The following ACSM2B variants were observed in gnomAD, a reference collection of about 807,000 sequenced individuals.
ACSM2B encodes the protein acyl-coenzyme A synthetase ACSM2B, mitochondrial.
ACSM2B carries 58 observed loss-of-function variants against 78.6 expected under a neutral mutation model. The observed-to-expected ratio is 0.74, with a 90% CI of 0.60 to 0.92. The LOEUF is 0.92. Ranked by LOEUF, ACSM2B falls within the 40% of genes least tolerant of loss-of-function variation. The pLI is 0.00. For synonymous variants in ACSM2B, 257 were observed against 256.8 expected (o/e 1.00, Z -0.01); for missense variants, 688 against 711.2 (o/e 0.97, Z 0.37).
rs1291959782 is a variant in ACSM2B at position 20,555,273 on chromosome 16, G to C, written c.592C>G (p.Leu198Val). The change falls in exon 4 of 14, where the codon CTA becomes GTA. Residue 198 changes from leucine to valine, a missense_variant. Transcript: ENST00000329697. ...CDGWLNFKKL[L>V]NEASTTHHCV... Reference sequence around the variant, plus strand: ...ATGAGACATGTAGATACTCACTTTAGTAGTTTCTTGAAGTTCAGCCACCCA... The same window carrying C: ...ATGAGACATGTAGATACTCACTTTACTAGTTTCTTGAAGTTCAGCCACCCA... 1.2e-6 allele frequency: 2 copies of C among 1,613,836 alleles called. No homozygotes were observed. The highest frequency in any genetic ancestry group is 1.7e-6 in the Non-Finnish European group (2 of 1,179,838).
At chr16:20,551,990 T>G (rs1398507862) in intron 6 of ACSM2B, among the ~76,000 whole-genome samples, 154 bp downstream of exon 6, 1 of 152,132 alleles carries the variant, frequency 6.6e-6, no homozygotes, top group Non-Finnish European at 1.5e-5. Flanking sequence ...CTCTGCGAGG[T>G]CAGGGACCAT....
chr16:20,550,507 A>AAAAATTTTT (rs1374829569), intron 6 of ACSM2B, among the ~76,000 whole-genome samples: 22 of 152,126 alleles, frequency 1.4e-4, no homozygotes, highest in Non-Finnish European at 2.6e-4. Flanking sequence ...TAATGGTGGA[A>AAAAATTTTT]CTTATTAAAA....
At chr16:20,575,878 C>T (rs1274074468) in intron 1 of ACSM2B, 1 of 151,356 alleles carries the variant, frequency 6.6e-6, no homozygotes, top group Non-Finnish European at 1.5e-5. Flanking sequence ...CCTGCTGGTC[C>T]CTCTCTTTTT....
At position 20,559,844 on chromosome 16, in the gene ACSM2B, G is replaced by A. The variant is rs1386922761; in HGVS notation, c.178-397C>T. ...TTAATGTCTTAGTAGAATAACATTG[G>A]ATCCTCTCATCTGATTCTGCATTCA... On this transcript the variant is annotated intron_variant, in intron 2 of 13. Coordinates refer to ENST00000329697, the MANE Select transcript of ACSM2B (RefSeq NM_001105069.2). 1.0e-4 allele frequency among the ~76,000 whole-genome samples: 15 copies of A among 150,708 alleles called. 3 individuals are homozygous for A. Among genetic ancestry groups the A allele is most frequent in the African/African-American group, 2.7e-4 (11 of 40,290 alleles).
chr16:20,555,475 A>T lies in ACSM2B; in HGVS notation c.390T>A (p.Gly130=), dbSNP rs1341723977. The T allele has an allele frequency of 1.2e-6, 2 of 1,611,836 alleles. No individual in the cohort carries two copies. Among genetic ancestry groups the T allele is most frequent in the Non-Finnish European group, 1.7e-6 (2 of 1,178,434 alleles). Residue 130 remains glycine (G), a splice_region_variant and synonymous_variant, in exon 4 of 14, where the codon GGT becomes GGA. Coordinates refer to ENST00000329697, the MANE Select transcript of ACSM2B (RefSeq NM_001105069.2). The part of the protein sequence containing the change: ...WLVILGCIRA[G]LIFMPGTIQM... ...GGATGGTTCCAGGCATAAAGATGAG[A>T]CCTAAAGAAGCCAACAATTTAGAGA...
At chr16:20,568,552 G>A (rs369248455) in intron 1 of ACSM2B, among the ~76,000 whole-genome samples, 2 of 151,050 alleles carry the variant, frequency 1.3e-5, no homozygotes, top group Non-Finnish European at 3.0e-5. Flanking sequence ...GACTTCTTTC[G>A]TATAATGACT....
chr16:20,559,458 A>G lies in ACSM2B; in HGVS notation c.178-11T>C. 1 of 1,612,774 alleles carries G rather than the reference A, an allele frequency of 6.2e-7. No individual in the cohort carries two copies. The highest frequency in any genetic ancestry group is 8.5e-7 in the Non-Finnish European group (1 of 1,179,324). On this transcript the variant is annotated splice_polypyrimidine_tract_variant and intron_variant, in intron 2 of 13. Transcript: ENST00000329697. Reference sequence around the variant, plus strand: ...GAGTCGCTTGCCAGCCTGAGGAAAGAGAAACCCTGTTGATTAGGGGGCATT... The same window carrying G: ...GAGTCGCTTGCCAGCCTGAGGAAAGGGAAACCCTGTTGATTAGGGGGCATT...
intron 1 of ACSM2B, among the ~76,000 whole-genome samples, chr16:20,573,831 C>A (rs2016164634): frequency 6.6e-6 from 1 of 151,978 alleles, no homozygotes; most frequent in Admixed American, 6.6e-5. Flanking sequence ...GAGTAGGTCA[C>A]AAGGATCACA....
intron 12 of ACSM2B, chr16:20,542,077 G>A (rs2015009619): frequency 6.6e-6 from 1 of 151,828 alleles, no homozygotes; most frequent in African/African-American, 2.4e-5. Flanking sequence ...ATCACCTTGA[G>A]TATTTATAAT....
At chr16:20,541,054 G>A (rs1294106203) in intron 12 of ACSM2B, 5 of 240,820 alleles carry the variant, frequency 2.1e-5, no homozygotes, top group Admixed American at 4.9e-5. Context: ...GATACAGGGG[G>A]AGAAAAGAGA....
intron 1 of ACSM2B, among the ~76,000 whole-genome samples, chr16:20,567,197 T>C (rs1010167512): frequency 7.6e-6 from 1 of 132,250 alleles, no homozygotes; most frequent in African/African-American, 2.8e-5. Flanking sequence ...CATATTATAC[T>C]ATTATATTAT....
At chr16:20,553,725 G>T (rs562929917) in intron 5 of ACSM2B, 52 bp downstream of exon 5, 5 of 1,584,972 alleles carry the variant, frequency 3.2e-6, no homozygotes, top group Admixed American at 3.5e-5. Flanking sequence ...ACTCAGAAAC[G>T]TCTTCATGCC....
At chr16:20,542,018 T>A (rs1250348850) in intron 12 of ACSM2B, 1 of 152,152 alleles carries the variant, frequency 6.6e-6, no homozygotes, top group Non-Finnish European at 1.5e-5. Flanking sequence ...AGTGACATTT[T>A]GTTACACGCA....
At position 20,559,770 on chromosome 16, in the gene ACSM2B, G is replaced by A. The variant is rs2015594135; in HGVS notation, c.178-323C>T. Among the ~76,000 whole-genome samples, 4 of 150,766 alleles carry A rather than the reference G, an allele frequency of 2.7e-5. No individual in the cohort carries two copies. In the South Asian group the frequency reaches 8.4e-4, roughly 32 times the overall value. On this transcript the variant is annotated intron_variant, in intron 2 of 13. Coordinates refer to ENST00000329697, the MANE Select transcript of ACSM2B (RefSeq NM_001105069.2). ...CTTTTCAAAATGAAAAAATAATGAG[G>A]AAAGTGGCATTATTTTATTTATTGC... is the stretch of plus-strand genomic sequence containing the variant.
intron 8 of ACSM2B, chr16:20,547,444 G>C (rs1277709652): frequency 1.0e-6 from 1 of 984,046 alleles, no homozygotes; most frequent in South Asian, 4.7e-5. Flanking sequence ...GAGGCAAGAA[G>C]TGCTGAGAGT....
intron 6 of ACSM2B, chr16:20,550,016 T>TA (rs977314744): frequency 3.9e-4 from 109 of 278,456 alleles, no homozygotes; most frequent in Non-Finnish European, 4.6e-4. Context: ...TTATCAGACT[T>TA]AAAGTCTATA....
At chr16:20,566,247 T>TTTTATATATATATATATA (rs1491507567) in intron 1 of ACSM2B, among the ~76,000 whole-genome samples, 1 of 69,982 alleles carries the variant, frequency 1.4e-5, no homozygotes, top group Non-Finnish European at 2.7e-5. Flanking sequence ...TCATGGAAGA[T>TTTTATATATATATATATA]TATATATATA....
At chr16:20,560,324 G>A (rs1307519121) in intron 2 of ACSM2B, among the ~76,000 whole-genome samples, 1 of 151,928 alleles carries the variant, frequency 6.6e-6, no homozygotes, top group Admixed American at 6.5e-5. Flanking sequence ...TTGGTAGGAG[G>A]TGATTGGATC....
intron 3 of ACSM2B, among the ~76,000 whole-genome samples, chr16:20,558,125 G>A (rs990290284): frequency 3.9e-5 from 6 of 152,236 alleles, no homozygotes; most frequent in East Asian, 1.9e-4. Flanking sequence ...CAATTTCTCC[G>A]ATAGATTACA....
Sources: allele counts gnomAD v4.1 joint callset (sites outside exome capture counted in the v4.1 genomes callset), GRCh38; gene constraint gnomAD v4.1.1; transcripts MANE v1.5; gene names NCBI Gene and HGNC (gene_info 2026-07-23, HGNC 2026-07-21).